The following LAMB1 variants were observed in gnomAD, a reference collection of about 807,000 sequenced individuals.
LAMB1 encodes laminin subunit beta 1, also known as laminin subunit beta-1.
A neutral mutation model predicts 222.3 loss-of-function variants in LAMB1; 121 were observed. That is an observed-to-expected ratio of 0.54 (90% CI 0.47 to 0.63). The LOEUF is 0.63. Ranked by LOEUF, LAMB1 falls within the 30% of genes least tolerant of loss-of-function variation. LAMB1 has a pLI of 0.00. For missense variants in LAMB1, 2,172 were observed against 2,240.8 expected (o/e 0.97, Z 0.62); for synonymous variants, 794 against 807.2 (o/e 0.98, Z 0.28).
Position 107,998,458 on chromosome 7 carries a change from T to A in LAMB1, c.248A>T (p.Asp83Val), listed in dbSNP as rs546680394. 1 of 1,614,014 alleles carries A rather than the reference T, an allele frequency of 6.2e-7. No individual in the cohort carries two copies. Among genetic ancestry groups the A allele is most frequent in the East Asian group, 2.2e-5 (1 of 44,884 alleles). The change falls in exon 4 of 34, where the codon GAT (aspartate) becomes GTT (valine). Residue 83 changes from aspartate (D) to valine (V), a missense_variant. Coordinates refer to ENST00000222399, the MANE Select transcript of LAMB1 (RefSeq NM_002291.3). ...AGGATTCAGGGTCTCATGATAAGGATCTTGGGAATTGCATATGAAGCATTT... is the reference window on the plus strand; with the variant it reads ...AGGATTCAGGGTCTCATGATAAGGAACTTGGGAATTGCATATGAAGCATTT... ...DKKCFICNSQ[D>V]PYHETLNPDS...
At chr7:107,962,768 A>T in intron 15 of LAMB1, 137 bp downstream of exon 15, 1 of 499,504 alleles carries the variant, frequency 2.0e-6, no homozygotes, top group Non-Finnish European at 3.4e-6. Context: ...TCCATGGAGG[A>T]GGTGAGACTA....
Position 107,939,406 on chromosome 7 carries a change from A to T in LAMB1, c.3761+583T>A, listed in dbSNP as rs536488839. ...GCTGTTATAACTAGATGAATGAAGCACTGGTCTGGTGGACTAATGGCGGAG... is the reference window on the plus strand; with the variant it reads ...GCTGTTATAACTAGATGAATGAAGCTCTGGTCTGGTGGACTAATGGCGGAG... On this transcript the variant is annotated intron_variant, in intron 25 of 33. Coordinates refer to ENST00000222399, the MANE Select transcript of LAMB1 (RefSeq NM_002291.3). 2.5e-4 allele frequency among the ~76,000 whole-genome samples: 38 copies of T among 152,292 alleles called. 1 individual carries two copies. In the South Asian group the frequency reaches 7.5e-3, roughly 30 times the overall value.
intron 8 of LAMB1, among the ~76,000 whole-genome samples, 196 bp downstream of exon 8, chr7:107,980,413 T>G (rs1019937231): frequency 6.6e-6 from 1 of 152,214 alleles, no homozygotes; most frequent in Non-Finnish European, 1.5e-5. Flanking sequence ...ATGAGTAGTC[T>G]GTACATTCTC....
chr7:107,982,990 C>A (rs2034003834), intron 7 of LAMB1, among the ~76,000 whole-genome samples: 1 of 152,188 alleles, frequency 6.6e-6, no homozygotes, highest in Non-Finnish European at 1.5e-5. Flanking sequence ...ATGGTTGAGT[C>A]CTTTTAGGGA....
At position 107,975,368 on chromosome 7, in the gene LAMB1, TCA is replaced by T. The variant is rs1219832337; in HGVS notation, c.1233_1234del (p.Cys411Ter). On this transcript the variant is annotated stop_gained and frameshift_variant, in exon 11 of 34. Transcript: ENST00000222399. LOFTEE classifies it high-confidence loss of function. ...ACCAGTAGAAAAATCAGTATAGCTG[TCA>T]CAAATTCCCTCATTTTGAGAGCCAG... 6.2e-7 allele frequency: 1 copy of T among 1,613,324 alleles called. No homozygotes were observed. Among genetic ancestry groups the T allele is most frequent in the Non-Finnish European group, 8.5e-7 (1 of 1,179,754 alleles).
At chr7:107,993,686 A>C (rs141850009) in intron 5 of LAMB1, among the ~76,000 whole-genome samples, 120 of 152,380 alleles carry the variant, frequency 7.9e-4, no homozygotes, top group African/African-American at 2.8e-3. Context: ...CTCAGGTGTC[A>C]CATAACATAA....
At chr7:107,924,757 G>C in intron 32 of LAMB1, among the ~76,000 whole-genome samples, 1 of 152,100 alleles carries the variant, frequency 6.6e-6, no homozygotes, top group East Asian at 1.9e-4. Context: ...GAGGCTCTTT[G>C]GATCTTGACT....
chr7:107,924,654 A>G (rs189335775), intron 32 of LAMB1, among the ~76,000 whole-genome samples: 4 of 152,314 alleles, frequency 2.6e-5, no homozygotes, highest in Non-Finnish European at 5.9e-5. Flanking sequence ...TTCTATAGAA[A>G]AGTTGTAGCA....
intron 13 of LAMB1, among the ~76,000 whole-genome samples, chr7:107,970,199 AGGT>A (rs1199578223): frequency 6.6e-6 from 1 of 152,180 alleles, no homozygotes; most frequent in African/African-American, 2.4e-5. Flanking sequence ...TTCAAAAAAG[AGGT>A]GGGGCCAGGC....
rs745588279 is a variant in LAMB1, at chr7:107,975,381, C to G, written c.1222G>C (p.Glu408Gln). The G allele has an allele frequency of 6.2e-7, 1 of 1,613,396 alleles. No homozygotes were observed. The highest frequency in any genetic ancestry group is 8.5e-7 in the Non-Finnish European group (1 of 1,179,814). The change falls in exon 11 of 34, where the codon GAG becomes CAG. Residue 408 changes from glutamate to glutamine, a missense_variant. Coordinates refer to ENST00000222399, the MANE Select transcript of LAMB1 (RefSeq NM_002291.3). ...TCAGTATAGCTGTCACAAATTCCCT[C>G]ATTTTGAGAGCCAGCTGGGTCACAC... ...CTCDPAGSQNEGICDSYTDFS... is the reference protein window; with the variant it reads ...CTCDPAGSQNQGICDSYTDFS...
chr7:107,954,254 A>T (rs1219353014), intron 21 of LAMB1, among the ~76,000 whole-genome samples: 2 of 152,074 alleles, frequency 1.3e-5, no homozygotes, highest in Non-Finnish European at 2.9e-5. Flanking sequence ...TTCCGGGCTC[A>T]AGGAATTCTC....
intron 32 of LAMB1, among the ~76,000 whole-genome samples, chr7:107,925,742 A>G (rs941937919): frequency 4.6e-5 from 7 of 152,120 alleles, no homozygotes; most frequent in African/African-American, 1.7e-4. Flanking sequence ...TCTCAAAGAG[A>G]TAAGATTTGG....
chr7:107,960,239 A>C (rs1050509135), intron 18 of LAMB1, among the ~76,000 whole-genome samples: 1 of 152,174 alleles, frequency 6.6e-6, no homozygotes, highest in Non-Finnish European at 1.5e-5. Flanking sequence ...TGTTATTTGC[A>C]TATTTCTTGA....
At chr7:108,000,568 G>A (rs867350793) in intron 3 of LAMB1, among the ~76,000 whole-genome samples, 1 of 152,220 alleles carries the variant, frequency 6.6e-6, no homozygotes, top group Admixed American at 6.5e-5. Flanking sequence ...TTTTGAGACA[G>A]GGTCTCCCTT....
In LAMB1 at chr7:107,981,082, C is replaced by T. The variant is rs1452024325; in HGVS notation, c.677-271G>A. Among the ~76,000 whole-genome samples, 41 of 152,080 alleles carry T rather than the reference C, an allele frequency of 2.7e-4. 2 individuals carry two copies. The highest frequency in any genetic ancestry group is 2.4e-3 in the Admixed American group (37 of 15,274). On this transcript the variant is annotated intron_variant, in intron 7 of 33. Transcript: ENST00000222399. ...ATTCCAGCACTTTGGGAGGCCAAGGCAGGTGGATCACTTGAGGTCAGGAGT... is the reference window on the plus strand; with the variant it reads ...ATTCCAGCACTTTGGGAGGCCAAGGTAGGTGGATCACTTGAGGTCAGGAGT...
Position 107,955,560 on chromosome 7 carries a change from C to G in LAMB1, c.2761G>C (p.Asp921His), listed in dbSNP as rs1223622749. 6.2e-7 allele frequency: 1 copy of G among 1,613,988 alleles called. No individual in the cohort carries two copies. The change falls in exon 21 of 34, where the codon GAT (aspartate) becomes CAT (histidine). Residue 921 changes from aspartate (D) to histidine (H), a missense_variant. Coordinates refer to ENST00000222399, the MANE Select transcript of LAMB1 (RefSeq NM_002291.3). ...GDHCRPCPCPDGPDSGRQFAR... is the reference protein window; with the variant it reads ...GDHCRPCPCPHGPDSGRQFAR... The stretch of plus-strand genomic sequence containing the variant: ...AACTGGCGTCCACTGTCGGGACCAT[C>G]TGGGCAAGGGCAAGGGCGGCAGTGA...
intron 5 of LAMB1, among the ~76,000 whole-genome samples, chr7:107,994,366 A>G (rs1209984476): frequency 7.9e-5 from 12 of 152,338 alleles, no homozygotes; most frequent in Admixed American, 7.8e-4. Flanking sequence ...ATTTAGCTGA[A>G]ACTAAATAAT....
At position 107,962,649 on chromosome 7, in the gene LAMB1, G is replaced by A. The variant is rs540332952; in HGVS notation, c.1857+256C>T. Among the ~76,000 whole-genome samples the A allele has an allele frequency of 1.4e-4, 21 of 148,988 alleles. No homozygotes were observed. The South Asian group carries it at 3.2e-3, about 22-fold the overall frequency. On this transcript the variant is annotated intron_variant, in intron 15 of 33. Transcript: ENST00000222399. Reference sequence around the variant, plus strand: ...GAATCGCTTGAACCCGGGAGGCGGAGATTGCAGTGAGCCGAGATGGCACCA... The same window carrying A: ...GAATCGCTTGAACCCGGGAGGCGGAAATTGCAGTGAGCCGAGATGGCACCA...
intron 5 of LAMB1, 152 bp downstream of exon 5, chr7:107,994,735 C>T: frequency 1.9e-6 from 1 of 529,908 alleles, no homozygotes. Flanking sequence ...GTTATTCATG[C>T]TCGTTTTAAA....
Sources: gnomAD v4.1 joint callset for allele counts (sites outside exome capture counted in the v4.1 genomes callset) on GRCh38, gnomAD v4.1.1 for gene constraint, MANE v1.5 for transcripts, NCBI Gene and HGNC (gene_info 2026-07-23, HGNC 2026-07-21) for gene names.